The following B3GALT1 variants were observed in gnomAD, a reference collection of about 807,000 sequenced individuals.
B3GALT1 encodes the protein beta-1,3-galactosyltransferase 1.
In B3GALT1, 10 loss-of-function variants were observed where a neutral mutation model predicts 23.2. The observed-to-expected ratio is 0.43, with a 90% confidence interval of 0.27 to 0.73. The LOEUF (loss-of-function observed/expected upper bound fraction) is 0.73. B3GALT1 is among the 30% of genes least tolerant of loss of function. B3GALT1 has a pLI of 0.21. For synonymous variants in B3GALT1, 156 were observed against 141.5 expected, an observed-to-expected ratio of 1.10 and a Z score of -0.73; for missense variants, 299 against 405.4, an observed-to-expected ratio of 0.74 and a Z score of 2.25.
At chr2:167,586,546 GC>G (rs1421176900) in intron 2 of B3GALT1, among the ~76,000 whole-genome samples, 1 of 152,130 alleles carries the variant, frequency 6.6e-6, no homozygotes, top group Admixed American at 6.5e-5. Flanking sequence ...TGATCCGCCT[GC>G]CTTGCCCTCC....
chr2:167,549,133 ATATT>A (rs1683702116), intron 2 of B3GALT1, among the ~76,000 whole-genome samples: 1 of 152,240 alleles, frequency 6.6e-6, no homozygotes, highest in African/African-American at 2.4e-5. Context: ...CTCTCAAAAA[ATATT>A]TAGAGAATTG....
chr2:167,685,091 A>G (rs1185439506), intron 3 of B3GALT1, among the ~76,000 whole-genome samples: 3 of 152,222 alleles, frequency 2.0e-5, no homozygotes, highest in Non-Finnish European at 4.4e-5. Flanking sequence ...GATATTGTAC[A>G]TGGAAATCTT....
At position 167,852,936 on chromosome 2, in the gene B3GALT1, T is replaced by C. The variant is rs1689932611; in HGVS notation, c.-229-15875T>C. On this transcript the variant is annotated intron_variant, in intron 4 of 4. Transcript: ENST00000392690. The stretch of plus-strand genomic sequence containing the variant: ...AAAATGATAAAGATAGAAATAGTAA[T>C]GAGAGTGACAAAAATAATGATAAAA... 2.0e-5 allele frequency among the ~76,000 whole-genome samples: 3 copies of C among 152,254 alleles called. No individual in the cohort carries two copies. In the South Asian group the frequency reaches 6.2e-4, roughly 32 times the overall value.
intron 1 of B3GALT1, among the ~76,000 whole-genome samples, chr2:167,295,815 C>T (rs1413714499): frequency 1.3e-5 from 2 of 150,198 alleles, no homozygotes; most frequent in Admixed American, 1.3e-4. Flanking sequence ...GGAACTTTTA[C>T]TTGGAGGAAA....
At chr2:167,400,659 T>C (rs1328027527) in intron 1 of B3GALT1, among the ~76,000 whole-genome samples, 1 of 152,116 alleles carries the variant, frequency 6.6e-6, no homozygotes, top group East Asian at 1.9e-4. Flanking sequence ...TATTCACTGT[T>C]GTAGACTTAA....
chr2:167,504,026 C>T (rs1699884020), intron 2 of B3GALT1, among the ~76,000 whole-genome samples: 1 of 152,140 alleles, frequency 6.6e-6, no homozygotes, highest in African/African-American at 2.4e-5. Context: ...TTAACAATAT[C>T]CACCAAGCAA....
At chr2:167,814,481 G>A (rs1025260032) in intron 3 of B3GALT1, among the ~76,000 whole-genome samples, 2 of 152,188 alleles carry the variant, frequency 1.3e-5, no homozygotes, top group Admixed American at 1.3e-4. Context: ...ATTTACTGGG[G>A]CCGGGAGCGG....
At chr2:167,737,972 G>A (rs1044078850) in intron 3 of B3GALT1, among the ~76,000 whole-genome samples, 1 of 152,168 alleles carries the variant, frequency 6.6e-6, no homozygotes, top group African/African-American at 2.4e-5. Flanking sequence ...GCCGTAAACT[G>A]ACAAATAAAT....
chr2:167,382,278 C>A (rs539610191), intron 1 of B3GALT1, among the ~76,000 whole-genome samples: 1 of 151,866 alleles, frequency 6.6e-6, no homozygotes, highest in South Asian at 2.1e-4. Context: ...TTCCATTTAA[C>A]CTTGCTTTCT....
intron 1 of B3GALT1, among the ~76,000 whole-genome samples, chr2:167,455,478 A>G (rs532734607): frequency 6.6e-6 from 1 of 152,106 alleles, no homozygotes; most frequent in African/African-American, 2.4e-5. Context: ...AGCTTTCTCC[A>G]CTACTTTTTA....
intron 3 of B3GALT1, among the ~76,000 whole-genome samples, chr2:167,713,214 A>G (rs2105520195): frequency 6.6e-6 from 1 of 152,368 alleles, no homozygotes; most frequent in Non-Finnish European, 1.5e-5. Context: ...GCTTACTACA[A>G]GTTCACTGAT....
At chr2:167,535,983 G>C (rs1331226950) in intron 2 of B3GALT1, among the ~76,000 whole-genome samples, 1 of 152,118 alleles carries the variant, frequency 6.6e-6, no homozygotes, top group Non-Finnish European at 1.5e-5. Flanking sequence ...GAGTGCAGTG[G>C]CGTGATCATG....
chr2:167,479,829 C>A (rs949181669), intron 1 of B3GALT1, among the ~76,000 whole-genome samples: 2 of 152,012 alleles, frequency 1.3e-5, no homozygotes, highest in Non-Finnish European at 2.9e-5. Flanking sequence ...TCACTTAAAT[C>A]AGTCAAAAGG....
At chr2:167,570,094 T>G (rs1341570608) in intron 2 of B3GALT1, among the ~76,000 whole-genome samples, 2 of 151,928 alleles carry the variant, frequency 1.3e-5, no homozygotes, top group African/African-American at 4.8e-5. Context: ...AATTTTTGCT[T>G]CTATTTTTAT....
chr2:167,772,284 G>A (rs376836911), intron 3 of B3GALT1, among the ~76,000 whole-genome samples: 7 of 152,162 alleles, frequency 4.6e-5, no homozygotes, highest in African/African-American at 1.7e-4. Flanking sequence ...ATTTTCCCTA[G>A]TAATAATGCT....
At chr2:167,524,112 C>T (rs992694959) in intron 2 of B3GALT1, among the ~76,000 whole-genome samples, 3 of 152,118 alleles carry the variant, frequency 2.0e-5, no homozygotes, top group African/African-American at 7.2e-5. Context: ...TTATCTTTAT[C>T]CTTACCAGCA....
chr2:167,803,455 G>A (rs1261714899), intron 3 of B3GALT1, among the ~76,000 whole-genome samples: 1 of 152,126 alleles, frequency 6.6e-6, no homozygotes, highest in African/African-American at 2.4e-5. Context: ...GGCATATGTG[G>A]AGTTTTCTGT....
chr2:167,341,227 C>CT lies in B3GALT1; in HGVS notation c.-511+47898dup, dbSNP rs1697141757. 2.6e-5 allele frequency among the ~76,000 whole-genome samples: 4 copies of CT among 152,176 alleles called. No homozygotes were observed. In the East Asian group the frequency reaches 7.8e-4, roughly 30 times the overall value. On this transcript the variant is annotated intron_variant, in intron 1 of 4. Transcript: ENST00000392690. Reference sequence around the variant, plus strand: ...ATTCAACAAGGGAAAAGCACATGATCTTTTTGGTTGAGTACTTTATTCCAG... The same window carrying CT: ...ATTCAACAAGGGAAAAGCACATGATCTTTTTTGGTTGAGTACTTTATTCCAG...
At chr2:167,399,361 A>AAAATTT (rs1430262010) in intron 1 of B3GALT1, among the ~76,000 whole-genome samples, 1 of 152,170 alleles carries the variant, frequency 6.6e-6, no homozygotes, top group Non-Finnish European at 1.5e-5. Flanking sequence ...TGAATTGGAT[A>AAAATTT]AAATTTAAAT....
Sources: gnomAD v4.1 joint callset for allele counts (sites outside exome capture counted in the v4.1 genomes callset) on GRCh38, gnomAD v4.1.1 for gene constraint, MANE v1.5 for transcripts, NCBI Gene and HGNC (gene_info 2026-07-23, HGNC 2026-07-21) for gene names.